RUVBL1: variants seen among roughly 807,000 people sequenced by gnomAD.
RUVBL1 encodes the protein RuvB like AAA ATPase 1.
Under a neutral mutation model 52.4 loss-of-function variants are expected in RUVBL1, and 4 were observed. The observed-to-expected ratio is 0.08, with a 90% CI of 0.04 to 0.17. RUVBL1 has a LOEUF of 0.17. RUVBL1 is among the 10% of genes least tolerant of loss of function. The pLI, the probability that RUVBL1 is intolerant of heterozygous loss-of-function variation, is 1.00. For missense variants in RUVBL1, 298 were observed against 572.8 expected (o/e 0.52, Z 4.90); for synonymous variants, 217 against 214.4 (o/e 1.01, Z -0.10).
At chr3:128,113,999 AC>A (rs961571608) in intron 2 of RUVBL1, among the ~76,000 whole-genome samples, 3 of 152,236 alleles carry the variant, frequency 2.0e-5, no homozygotes, top group African/African-American at 7.2e-5. Flanking sequence ...AACAAGTTAC[AC>A]TTAAACACGC....
chr3:128,104,794 G>C lies in RUVBL1; in HGVS notation c.492C>G (p.Ala164=). The change falls in exon 4 of 11, where the codon GCC becomes GCG. Residue 164 remains alanine (A), a synonymous_variant. Transcript: ENST00000322623. ...ISHVIIGLKT[A]KGTKQLKLDP... ...TCACTTTCAACTGTTTGGTTCCTTTGGCTGTTTTGAGTCCTATGATCACAT... is the reference window on the plus strand; with the variant it reads ...TCACTTTCAACTGTTTGGTTCCTTTCGCTGTTTTGAGTCCTATGATCACAT... 6.2e-7 allele frequency: 1 copy of C among 1,610,278 alleles called. No individual in the cohort carries two copies. Among genetic ancestry groups the C allele is most frequent in the South Asian group, 1.1e-5 (1 of 90,956 alleles).
chr3:128,084,737 G>C (rs929755464), intron 9 of RUVBL1: 1 of 152,234 alleles, frequency 6.6e-6, no homozygotes, highest in African/African-American at 2.4e-5. Context: ...TGTCGGCTTG[G>C]ATTGCAGAGT....
At position 128,067,312 on chromosome 3, in the gene RUVBL1, G is replaced by A; in HGVS notation, c.940-2092C>T. ...ATCTTTTCAGTAAAAAAATTGTACT[G>A]TGGGCACCGAGTAAAATTGCATTCT... On this transcript the variant is annotated intron_variant, in intron 9 of 9. Coordinates refer to the RUVBL1 transcript ENST00000464873. This position sits in a 1 kb window ranked among gnomAD's most constrained non-coding sequence, Gnocchi z 4.1. The A allele has an allele frequency of 1.5e-6, 2 of 1,330,788 alleles. No individual in the cohort carries two copies. The highest frequency in any genetic ancestry group is 2.1e-6 in the Non-Finnish European group (2 of 958,444). 82.4% of individuals were successfully genotyped at this position (1,330,788 alleles called of 1,614,324 possible).
chr3:128,086,483 G>A (rs956211360), intron 9 of RUVBL1, among the ~76,000 whole-genome samples: 4 of 152,228 alleles, frequency 2.6e-5, no homozygotes, highest in Non-Finnish European at 5.9e-5. Context: ...GCCCCAGTCT[G>A]CTCAGCATCT....
intron 8 of RUVBL1, among the ~76,000 whole-genome samples, chr3:128,094,217 G>GT (rs1489001149): frequency 6.6e-6 from 1 of 152,196 alleles, no homozygotes; most frequent in Non-Finnish European, 1.5e-5. Flanking sequence ...TCCAATGCCT[G>GT]TAATTTTTCC....
intron 1 of RUVBL1, among the ~76,000 whole-genome samples, chr3:128,133,951 A>C (rs1943914894): frequency 6.6e-6 from 1 of 152,212 alleles, no homozygotes; most frequent in Admixed American, 6.5e-5. Flanking sequence ...GTGACCTTTT[A>C]GACAGACAAT....
rs1942480329 is a variant in RUVBL1 at position 128,081,670 on chromosome 3, C to T, written c.1212-261G>A. 1 of 427,466 alleles carries T rather than the reference C, an allele frequency of 2.3e-6. No homozygotes were observed. Among genetic ancestry groups the T allele is most frequent in the Non-Finnish European group, 4.2e-6 (1 of 239,590 alleles). The allele number at this position is 427,466 out of a possible 1,614,324, so 26.5% of individuals were successfully genotyped here. On this transcript the variant is annotated intron_variant, in intron 10 of 10. Coordinates refer to ENST00000322623, the MANE Select transcript of RUVBL1 (RefSeq NM_003707.3). This position sits in a 1 kb window ranked among gnomAD's most constrained non-coding sequence, Gnocchi z 4.8. ...ATCTTTAGTACAGTCTACAAATCCT[C>T]CAGTAGGAAGTAATGTCACTGCTAC...
rs776517604 is a variant in RUVBL1, at chr3:128,081,391, C to T, written c.1230G>A (p.Leu410=). 6.2e-7 allele frequency: 1 copy of T among 1,614,092 alleles called. No individual in the cohort carries two copies. The highest frequency in any genetic ancestry group is 2.2e-5 in the East Asian group (1 of 44,886). Residue 410 remains leucine (L), a synonymous_variant, in exon 11 of 11, where the codon CTG becomes CTA. Transcript: ENST00000322623. The surrounding 1 kb of genome is among the most constrained non-coding windows in gnomAD (Gnocchi z 4.8). ...TTTTAGCAAGCAAGTTGGCCGGGGT[C>T]AGCAGCTGCACTGAGTACCTAGAGT... The part of the protein sequence containing the change: ...KTTLRYSVQL[L]TPANLLAKIN...
intron 1 of RUVBL1, among the ~76,000 whole-genome samples, chr3:128,135,009 A>G (rs1943930240): frequency 6.6e-6 from 1 of 152,192 alleles, no homozygotes; most frequent in African/African-American, 2.4e-5. Context: ...TAGAGGAAAA[A>G]AAATTAATAT....
At chr3:128,099,493 T>C (rs1471414737) in intron 6 of RUVBL1, among the ~76,000 whole-genome samples, 4 of 152,200 alleles carry the variant, frequency 2.6e-5, no homozygotes, top group Admixed American at 2.6e-4. Context: ...CTGTGCCTCC[T>C]CTCACTAGAT....
intron 1 of RUVBL1, among the ~76,000 whole-genome samples, chr3:128,119,981 A>G (rs1943606861): frequency 6.6e-6 from 1 of 152,230 alleles, no homozygotes; most frequent in Non-Finnish European, 1.5e-5. Context: ...AATAATACAA[A>G]GCCACTGAAA....
At chr3:128,073,596 C>T (rs1942231195) in intron 9 of RUVBL1, among the ~76,000 whole-genome samples, 2 of 152,192 alleles carry the variant, frequency 1.3e-5, no homozygotes, top group South Asian at 2.1e-4. Flanking sequence ...TGGTAGTGCC[C>T]ACCTCACTCC....
At chr3:128,134,563 G>A (rs1030651886) in intron 1 of RUVBL1, among the ~76,000 whole-genome samples, 4 of 151,650 alleles carry the variant, frequency 2.6e-5, no homozygotes, top group African/African-American at 9.7e-5. Context: ...AAGGGTGGCA[G>A]ACCAAGTGAA....
intron 3 of RUVBL1, among the ~76,000 whole-genome samples, chr3:128,111,369 C>T (rs57701101): frequency 3.3e-5 from 5 of 152,286 alleles, no homozygotes; most frequent in South Asian, 2.1e-4. Context: ...CCCCAGGAGA[C>T]GCTGAGTAAA....
chr3:128,085,480 GAAT>G (rs1942617821), intron 9 of RUVBL1, among the ~76,000 whole-genome samples: 2 of 152,306 alleles, frequency 1.3e-5, no homozygotes, highest in Non-Finnish European at 2.9e-5. Context: ...TCCGTTCAGT[GAAT>G]GCCTTGGCTT....
At chr3:128,119,285 T>A (rs1943590727) in intron 2 of RUVBL1, 43 bp downstream of exon 2, 1 of 1,506,266 alleles carries the variant, frequency 6.6e-7, no homozygotes, top group South Asian at 1.1e-5. Flanking sequence ...GACACTAGGA[T>A]CATTCTCCTG....
chr3:128,143,140 C>CA (rs1051835434), intron 1 of RUVBL1, among the ~76,000 whole-genome samples: 22 of 150,874 alleles, frequency 1.5e-4, no homozygotes, highest in Non-Finnish European at 1.5e-4. Context: ...CCTGATACTC[C>CA]AGGATAATCT....
rs1410519195 is a variant in RUVBL1 at position 128,081,130 on chromosome 3, A to G, written c.*120T>C. On this transcript the variant is annotated 3_prime_UTR_variant, in exon 11 of 11. Coordinates refer to ENST00000322623, the MANE Select transcript of RUVBL1 (RefSeq NM_003707.3). This position sits in a 1 kb window ranked among gnomAD's most constrained non-coding sequence, Gnocchi z 4.8. ...GAAATGCTTTCCACACTGAACTGAC[A>G]GCGCTGCAGACCACGCCTGAGTGGG... The G allele has an allele frequency of 2.2e-6, 2 of 917,676 alleles. No individual in the cohort carries two copies. Among genetic ancestry groups the G allele is most frequent in the Admixed American group, 2.6e-5 (1 of 39,186 alleles). 56.8% of individuals were successfully genotyped at this position (917,676 alleles called of 1,614,324 possible).
At position 128,119,399 on chromosome 3, in the gene RUVBL1, C is replaced by T. The variant is rs1440318777; in HGVS notation, c.157G>A (p.Val53Ile). 1.9e-6 allele frequency: 3 copies of T among 1,613,616 alleles called. No individual in the cohort carries two copies. Among genetic ancestry groups the T allele is most frequent in the Non-Finnish European group, 2.5e-6 (3 of 1,179,802 alleles). Residue 53 changes from valine (V) to isoleucine (I), a missense_variant, in exon 2 of 11, where the codon GTA (valine) becomes ATA (isoleucine). Physicochemically the swap from Val to Ile is conservative, Grantham distance 29. This residue lies in a region of RUVBL1 where 71 missense variants were observed against 125.7 expected (regional missense o/e 0.57). Coordinates refer to ENST00000322623, the MANE Select transcript of RUVBL1 (RefSeq NM_003707.3). ...ENAREACGVI[V>I]ELIKSKKMAG... is the part of the protein sequence containing the mutation. The stretch of plus-strand genomic sequence containing the variant: ...ATTTTCTTGCTTTTGATTAATTCTA[C>T]TATGACGCCACATGCCTACACACCA...
Sources: allele counts gnomAD v4.1 joint callset (sites outside exome capture counted in the v4.1 genomes callset), GRCh38; gene constraint gnomAD v4.1.1; regional missense constraint gnomAD v4.1.1; non-coding constraint Gnocchi (gnomAD v3.1); transcripts MANE v1.5; gene names NCBI Gene and HGNC (gene_info 2026-07-23, HGNC 2026-07-21).